The following MAP3K13 variants were observed in gnomAD, a reference collection of about 807,000 sequenced individuals.
MAP3K13 encodes the protein mitogen-activated protein kinase kinase kinase 13, also known as leucine zipper-bearing kinase.
In MAP3K13, 52 loss-of-function variants were observed where a neutral mutation model predicts 104.0. The ratio of observed to expected loss-of-function variants is 0.50; its 90% confidence interval spans 0.40 to 0.63. The LOEUF (loss-of-function observed/expected upper bound fraction) is 0.63, where lower values mean the gene tolerates loss of function less well. Ranked by LOEUF, MAP3K13 falls within the 20% of genes least tolerant of loss-of-function variation. The pLI, the probability that MAP3K13 is intolerant of heterozygous loss-of-function variation, is 0.00. For synonymous variants in MAP3K13, 394 were observed against 442.2 expected (o/e 0.89, Z 1.37); for missense variants, 914 against 1,218.5 (o/e 0.75, Z 3.72).
chr3:185,307,657 C>G (rs906997795), intron 2 of MAP3K13, among the ~76,000 whole-genome samples: 9 of 147,470 alleles, frequency 6.1e-5, no homozygotes, highest in Non-Finnish European at 1.0e-4. Flanking sequence ...AATTCTCCTG[C>G]CTCTGCTGCC....
At chr3:185,417,505 G>T in intron 1 of MAP3K13, 1 of 1,596,540 alleles carries the variant, frequency 6.3e-7, no homozygotes, top group Non-Finnish European at 8.5e-7. Context: ...TTATGCAGCA[G>T]GCTTCTTTTC....
chr3:185,346,703 A>G (rs1722936120), intron 2 of MAP3K13, among the ~76,000 whole-genome samples: 1 of 152,184 alleles, frequency 6.6e-6, no homozygotes, highest in Non-Finnish European at 1.5e-5. Context: ...AGATATCTAC[A>G]TTTTAAGCCT....
Position 185,451,185 on chromosome 3 carries a change from T to C in MAP3K13, c.1170-102T>C, listed in dbSNP as rs912642596. The C allele has an allele frequency of 1.8e-5, 13 of 738,088 alleles. No individual in the cohort carries two copies. The Admixed American group carries it at 2.0e-4, about 12-fold the overall frequency. The allele number at this position is 738,088 out of a possible 1,614,324, so 45.7% of individuals were successfully genotyped here. A position where few individuals can be genotyped will look rare whatever the true frequency, so the allele number is the denominator to read the frequency against. ...GAGTACAGCTGGTTTTACTCAGATA[T>C]AGCCATTTTGAAGTAAACAATCTTC... On this transcript the variant is annotated intron_variant, in intron 6 of 13. Transcript: ENST00000265026.
intron 1 of MAP3K13, among the ~76,000 whole-genome samples, chr3:185,391,671 G>A (rs1385048133): frequency 6.6e-6 from 1 of 152,056 alleles, no homozygotes; most frequent in East Asian, 1.9e-4. Flanking sequence ...GCAACAGCTG[G>A]AATCCATCAT....
chr3:185,349,213 A>T (rs1361619015), intron 2 of MAP3K13, among the ~76,000 whole-genome samples: 1 of 151,300 alleles, frequency 6.6e-6, no homozygotes, highest in East Asian at 1.9e-4. Context: ...TTGGGCTTCT[A>T]TTGAACCCAT....
chr3:185,467,347 C>G (rs186058984), intron 10 of MAP3K13, among the ~76,000 whole-genome samples: 1 of 152,178 alleles, frequency 6.6e-6, no homozygotes. Context: ...CTCTAGGACA[C>G]AGAATTGGGT....
Position 185,487,932 on chromosome 3 carries a change from T to C in MAP3K13, c.*5476T>C, listed in dbSNP as rs947675113. 6.6e-6 allele frequency: 1 copy of C among 152,192 alleles called. No homozygotes were observed. Among genetic ancestry groups the C allele is most frequent in the Non-Finnish European group, 1.5e-5 (1 of 68,036 alleles). The allele number at this position is 152,192 out of a possible 1,614,324, so 9.4% of individuals were successfully genotyped here. A position where few individuals can be genotyped will look rare whatever the true frequency, so the allele number is the denominator to read the frequency against. On this transcript the variant is annotated 3_prime_UTR_variant, in exon 14 of 14. Transcript: ENST00000265026. ...TGGCAGAACGACAGGCTCGCACTAG[T>C]GTCCACCTGTGGCTGTCAGGGGCGG... is the stretch of plus-strand genomic sequence containing the variant.
chr3:185,430,951 G>A (rs1364339713), intron 2 of MAP3K13, among the ~76,000 whole-genome samples: 1 of 152,160 alleles, frequency 6.6e-6, no homozygotes, highest in African/African-American at 2.4e-5. Flanking sequence ...TTAACAGGAA[G>A]CATGGCTAGG....
At chr3:185,309,679 C>A (rs1721430972) in intron 2 of MAP3K13, among the ~76,000 whole-genome samples, 1 of 152,140 alleles carries the variant, frequency 6.6e-6, no homozygotes, top group Non-Finnish European at 1.5e-5. Flanking sequence ...CCCTTTTGTC[C>A]TCAGTCCAGG....
chr3:185,383,138 T>A (rs1711502492), intron 1 of MAP3K13, among the ~76,000 whole-genome samples: 1 of 150,410 alleles, frequency 6.6e-6, no homozygotes, highest in Admixed American at 6.6e-5. Flanking sequence ...TTGCGATAGT[T>A]TACTGAGAAT....
At chr3:185,348,107 C>T (rs977378122) in intron 2 of MAP3K13, among the ~76,000 whole-genome samples, 1 of 151,982 alleles carries the variant, frequency 6.6e-6, no homozygotes, top group African/African-American at 2.4e-5. Context: ...CAGTGAGCTC[C>T]AACAAATAAT....
intron 2 of MAP3K13, among the ~76,000 whole-genome samples, chr3:185,348,361 A>C (rs980377882): frequency 1.3e-5 from 2 of 152,218 alleles, no homozygotes; most frequent in Non-Finnish European, 2.9e-5. Context: ...TGGCCTTTTT[A>C]GGCCACTGCT....
intron 2 of MAP3K13, among the ~76,000 whole-genome samples, chr3:185,310,875 A>C (rs1721473545): frequency 6.6e-6 from 1 of 152,192 alleles, no homozygotes; most frequent in Admixed American, 6.5e-5. Flanking sequence ...TGTATTCCTT[A>C]GTGCTTCTCT....
chr3:185,381,478 A>C (rs887244306), intron 1 of MAP3K13, among the ~76,000 whole-genome samples: 1 of 152,246 alleles, frequency 6.6e-6, no homozygotes, highest in African/African-American at 2.4e-5. Context: ...TGCACACAAC[A>C]GCAAAAAAAC....
Position 185,465,601 on chromosome 3 carries a change from G to A in MAP3K13, c.1389-146G>A. 2 of 631,564 alleles carry A rather than the reference G, an allele frequency of 3.2e-6. 1 individual carries two copies. Among genetic ancestry groups the A allele is most frequent in the South Asian group, 3.7e-5 (2 of 54,392 alleles). The allele number at this position is 631,564 out of a possible 1,614,324, so 39.1% of individuals were successfully genotyped here. The stretch of plus-strand genomic sequence containing the variant: ...CCACCTCCCGTTCCATTTTGTCTGA[G>A]TTACTGCACTGGACAAGGGAGGCTT... On this transcript the variant is annotated intron_variant, in intron 8 of 13. Coordinates refer to ENST00000265026, the MANE Select transcript of MAP3K13 (RefSeq NM_004721.5).
intron 1 of MAP3K13, among the ~76,000 whole-genome samples, chr3:185,377,622 G>C (rs541321270): frequency 6.6e-6 from 1 of 152,188 alleles, no homozygotes; most frequent in African/African-American, 2.4e-5. Context: ...TAGAAGCCTG[G>C]CCGTCAATAC....
At chr3:185,466,130 G>A (rs946604634) in intron 9 of MAP3K13, among the ~76,000 whole-genome samples, 2 of 152,320 alleles carry the variant, frequency 1.3e-5, no homozygotes, top group East Asian at 3.9e-4. Flanking sequence ...AGAAGAGCAC[G>A]GGGTGAAGAC....
intron 1 of MAP3K13, among the ~76,000 whole-genome samples, chr3:185,401,153 T>A (rs553201921): frequency 6.6e-6 from 1 of 152,264 alleles, no homozygotes; most frequent in African/African-American, 2.4e-5. Flanking sequence ...ATATCACCAT[T>A]TTCTTTTCAA....
chr3:185,453,891 G>GATACATATATATGAGATATATATA (rs1560115748), intron 7 of MAP3K13, among the ~76,000 whole-genome samples: 5 of 64,750 alleles, frequency 7.7e-5, no homozygotes, highest in African/African-American at 2.9e-4. Context: ...AGATATATAT[G>GATACATATATATGAGATATATATA]TGATACATAT....
Sources: allele counts gnomAD v4.1 joint callset (sites outside exome capture counted in the v4.1 genomes callset), GRCh38; gene constraint gnomAD v4.1.1; transcripts MANE v1.5; gene names NCBI Gene and HGNC (gene_info 2026-07-23, HGNC 2026-07-21).